The following GALNT9 variants were observed in gnomAD, a reference collection of about 807,000 sequenced individuals.
GALNT9 encodes the protein GalNAc transferase 9.
GALNT9 carries 47 observed loss-of-function variants against 63.1 expected under a neutral mutation model. The observed-to-expected ratio is 0.75, with a 90% CI of 0.59 to 0.95. The LOEUF (loss-of-function observed/expected upper bound fraction) is 0.95. Among genes scored for constraint, GALNT9 ranks in the 40% least tolerant of loss-of-function variants. The probability of loss-of-function intolerance (pLI) is 0.00; values close to 1 mark genes in which losing one functional copy is unlikely to be tolerated. For synonymous variants in GALNT9, 396 were observed against 365.7 expected (o/e 1.08, Z -0.94); for missense variants, 829 against 874.8 (o/e 0.95, Z 0.66).
In GALNT9 at chr12:132,203,688, C is replaced by T. The variant is rs1306516838; in HGVS notation, c.1080G>A (p.Val360=). The change falls in exon 7 of 11, where the codon GTG becomes GTA. Residue 360 remains valine, a splice_region_variant and synonymous_variant. Coordinates refer to ENST00000328957, the MANE Select transcript of GALNT9 (RefSeq NM_001122636.2). ...CCTCCATGCTGCCGCCACACTGCCA[C>T]ACCTGCGGGGAGACGGCGCTGGGTG... ...GGENVELGMR[V]WQCGGSMEVL... The T allele has an allele frequency of 1.9e-6, 3 of 1,611,976 alleles. No homozygotes were observed. The highest frequency in any genetic ancestry group is 1.3e-5 in the African/African-American group (1 of 74,998).
chr12:132,324,579 C>T (rs1474951618), intron 1 of GALNT9, among the ~76,000 whole-genome samples: 1 of 152,176 alleles, frequency 6.6e-6, no homozygotes, highest in Non-Finnish European at 1.5e-5. Context: ...GACTGGCTCC[C>T]CAAGTTCACG....
chr12:132,277,534 G>A lies in GALNT9; in HGVS notation c.419+8716C>T, dbSNP rs558540900. On this transcript the variant is annotated intron_variant, in intron 2 of 10. Coordinates refer to ENST00000328957, the MANE Select transcript of GALNT9 (RefSeq NM_001122636.2). ...GGGGGTTCTGGGTTGCAGCTGGAGC[G>A]CTGGGACTGGCAGGACGCCTCTCTT... 20 of 153,810 alleles carry A rather than the reference G, an allele frequency of 1.3e-4. No homozygotes were observed. The Middle Eastern group carries it at 2.6e-3, about 20-fold the overall frequency. 9.5% of individuals were successfully genotyped at this position (153,810 alleles called of 1,614,324 possible).
chr12:132,221,034 TGA>T (rs1491452124), intron 6 of GALNT9, among the ~76,000 whole-genome samples: 1 of 74,054 alleles, frequency 1.4e-5, no homozygotes, highest in Non-Finnish European at 2.6e-5. Context: ...TCCAGCCTGG[TGA>T]GAGTGAGATT....
intron 1 of GALNT9, among the ~76,000 whole-genome samples, chr12:132,301,614 G>A (rs912738737): frequency 2.0e-5 from 3 of 152,218 alleles, no homozygotes; most frequent in Admixed American, 6.5e-5. Flanking sequence ...TGGTGGCCGC[G>A]GAAAAGGAAC....
intron 8 of GALNT9, 103 bp from the exon 9 acceptor site, chr12:132,199,372 G>A (rs1385187664): frequency 8.5e-5 from 68 of 803,858 alleles, no homozygotes; most frequent in East Asian, 5.2e-5. Flanking sequence ...GGAGGTGCCC[G>A]CGGGAGGAGG....
At chr12:132,216,067 G>A (rs1371738065) in intron 6 of GALNT9, among the ~76,000 whole-genome samples, 1 of 152,112 alleles carries the variant, frequency 6.6e-6, no homozygotes, top group African/African-American at 2.4e-5. Context: ...CAGAGACATA[G>A]AGAGACGTAG....
intron 6 of GALNT9, among the ~76,000 whole-genome samples, chr12:132,204,092 T>TACAA (rs1232283913): frequency 6.6e-6 from 1 of 151,764 alleles, no homozygotes; most frequent in Non-Finnish European, 1.5e-5. Context: ...ACAATCTGTT[T>TACAA]ACAAACAGCT....
chr12:132,305,937 G>C (rs1248102440), intron 1 of GALNT9, among the ~76,000 whole-genome samples: 7 of 152,192 alleles, frequency 4.6e-5, no homozygotes, highest in African/African-American at 1.7e-4. Context: ...TGGCAGCACA[G>C]CCTTTAGGAC....
intron 6 of GALNT9, among the ~76,000 whole-genome samples, chr12:132,239,001 C>T (rs782475290): frequency 6.6e-6 from 1 of 152,146 alleles, no homozygotes. Flanking sequence ...GATGGCCGCT[C>T]GAAAGGTGAG....
chr12:132,198,992 G>A (rs979061838), intron 9 of GALNT9, among the ~76,000 whole-genome samples, 182 bp downstream of exon 9: 1 of 152,070 alleles, frequency 6.6e-6, no homozygotes, highest in Non-Finnish European at 1.5e-5. Flanking sequence ...CCTTCCAGGT[G>A]GGGCGGGCTG....
intron 1 of GALNT9, among the ~76,000 whole-genome samples, chr12:132,314,274 G>A (rs1868403859): frequency 6.8e-6 from 1 of 147,494 alleles, no homozygotes; most frequent in Non-Finnish European, 1.5e-5. Flanking sequence ...TACTTACTAA[G>A]CACATACTAT....
chr12:132,257,955 C>T, intron 4 of GALNT9, 69 bp from the exon 5 acceptor site: 1 of 1,128,170 alleles, frequency 8.9e-7, no homozygotes, highest in South Asian at 1.5e-5. Flanking sequence ...GTCCACTCGC[C>T]CACAGGGAGG....
At chr12:132,299,737 A>G (rs543721200) in intron 1 of GALNT9, among the ~76,000 whole-genome samples, 3 of 133,366 alleles carry the variant, frequency 2.2e-5, no homozygotes, top group Admixed American at 1.5e-4. Context: ...CATGATAACT[A>G]ACCCACTCCC....
chr12:132,207,159 C>T (rs552641297), intron 6 of GALNT9, among the ~76,000 whole-genome samples: 16 of 152,324 alleles, frequency 1.1e-4, no homozygotes, highest in African/African-American at 3.6e-4. Context: ...CGTCCTTGCC[C>T]CATAGCTGGG....
intron 5 of GALNT9, among the ~76,000 whole-genome samples, chr12:132,248,561 C>G (rs539965359): frequency 6.6e-6 from 1 of 152,198 alleles, no homozygotes; most frequent in African/African-American, 2.4e-5. Context: ...GTCACTTGCC[C>G]GCCTCCCCCA....
chr12:132,294,930 A>G (rs1467669608), intron 1 of GALNT9, among the ~76,000 whole-genome samples: 6 of 152,200 alleles, frequency 3.9e-5, no homozygotes, highest in Non-Finnish European at 8.8e-5. Flanking sequence ...TTCTTTCACA[A>G]AGAATTCCTT....
rs186554223 is a variant in GALNT9 at position 132,251,361 on chromosome 12, G to A, written c.960-3334C>T. On this transcript the variant is annotated intron_variant, in intron 5 of 10. Coordinates refer to ENST00000328957, the MANE Select transcript of GALNT9 (RefSeq NM_001122636.2). ...GAAGGCATGTCCAGTTCACGACGCC[G>A]GTTACGGGGCAGGAAGCTGTGAAAC... Among the ~76,000 whole-genome samples the A allele has an allele frequency of 2.6e-3, 403 of 152,366 alleles. 2 individuals carry two copies. The highest frequency in any genetic ancestry group is 4.1e-3 in the Non-Finnish European group (280 of 68,032).
intron 5 of GALNT9, among the ~76,000 whole-genome samples, chr12:132,256,584 G>C (rs1421762307): frequency 2.3e-5 from 3 of 132,486 alleles, no homozygotes; most frequent in Admixed American, 2.2e-4. Context: ...ACACTGGAGG[G>C]GACAGTGGAG....
At chr12:132,287,173 G>A (rs949798680) in intron 1 of GALNT9, among the ~76,000 whole-genome samples, 6 of 147,700 alleles carry the variant, frequency 4.1e-5, no homozygotes, top group South Asian at 2.2e-4. Flanking sequence ...CGTGAGCCAC[G>A]GCCCTCAGTG....
Sources: gnomAD v4.1 joint callset for allele counts (sites outside exome capture counted in the v4.1 genomes callset) on GRCh38, gnomAD v4.1.1 for gene constraint, MANE v1.5 for transcripts, NCBI Gene and HGNC (gene_info 2026-07-23, HGNC 2026-07-21) for gene names.